The following KLHL29 variants were observed in gnomAD, a reference collection of about 807,000 sequenced individuals.
The protein encoded by KLHL29 is kelch like family member 29, also known as kelch-like protein 29.
In KLHL29, 21 loss-of-function variants were observed where a neutral mutation model predicts 80.4. That is an observed-to-expected ratio of 0.26 (90% CI 0.19 to 0.38). KLHL29 has a LOEUF of 0.38. KLHL29 is among the 10% of genes least tolerant of loss of function. KLHL29 has a pLI of 1.00. For missense variants in KLHL29, 867 were observed against 1,223.9 expected (o/e 0.71, Z 4.35); for synonymous variants, 511 against 526.8 (o/e 0.97, Z 0.41).
At chr2:23,568,150 G>T (rs1416180893) in intron 3 of KLHL29, among the ~76,000 whole-genome samples, 1 of 151,790 alleles carries the variant, frequency 6.6e-6, no homozygotes, top group Non-Finnish European at 1.5e-5. Context: ...AAAGAGGGAA[G>T]AAGATGTATT....
chr2:23,676,798 G>A lies in KLHL29; in HGVS notation c.941-7601G>A, dbSNP rs143809401. 2.3e-3 allele frequency among the ~76,000 whole-genome samples: 346 copies of A among 152,316 alleles called. 2 individuals are homozygous for A. Among genetic ancestry groups the A allele is most frequent in the African/African-American group, 8.1e-3 (337 of 41,568 alleles). The stretch of plus-strand genomic sequence containing the variant: ...GGATGCGTGGAACATGATAGAATAT[G>A]AAGCTGTGAGCACAGGTCAGGTCAG... On this transcript the variant is annotated intron_variant, in intron 5 of 13. Coordinates refer to ENST00000486442, the MANE Select transcript of KLHL29 (RefSeq NM_052920.2).
intron 1 of KLHL29, among the ~76,000 whole-genome samples, chr2:23,387,274 T>TC (rs1666209641): frequency 1.3e-5 from 2 of 152,186 alleles, no homozygotes; most frequent in African/African-American, 2.4e-5. Context: ...TTCCAGCCTC[T>TC]CTCCAGTCCA....
chr2:23,558,824 C>G (rs1227739786), intron 2 of KLHL29, among the ~76,000 whole-genome samples: 1 of 152,232 alleles, frequency 6.6e-6, no homozygotes, highest in Non-Finnish European at 1.5e-5. Context: ...TCTGGAAGTG[C>G]TCAGCAATGA....
At chr2:23,424,176 G>C (rs373607258) in intron 1 of KLHL29, among the ~76,000 whole-genome samples, 6 of 152,226 alleles carry the variant, frequency 3.9e-5, no homozygotes, top group African/African-American at 1.4e-4. Flanking sequence ...TGCTATCAAA[G>C]GTGGGAAATG....
At chr2:23,398,599 A>C (rs2723108) in intron 1 of KLHL29, among the ~76,000 whole-genome samples, 10,139 of 152,308 alleles carry the variant, frequency 0.067, 632 homozygotes, top group African/African-American at 0.17. Context: ...GGATCCCCAT[A>C]CTGTCAGCCG....
chr2:23,662,134 C>A (rs1015473047), intron 5 of KLHL29, among the ~76,000 whole-genome samples: 42 of 152,318 alleles, frequency 2.8e-4, no homozygotes, highest in African/African-American at 9.9e-4. Flanking sequence ...AGCAAGGGTG[C>A]AGAGGGGGCT....
At chr2:23,485,744 C>G (rs561570599) in intron 2 of KLHL29, among the ~76,000 whole-genome samples, 84 of 152,336 alleles carry the variant, frequency 5.5e-4, no homozygotes, top group African/African-American at 1.9e-3. Context: ...CTAACCCCAG[C>G]CCTGCCCCTT....
chr2:23,691,566 C>A, intron 6 of KLHL29, 108 bp from the exon 7 acceptor site: 1 of 881,522 alleles, frequency 1.1e-6, no homozygotes, highest in Non-Finnish European at 1.8e-6. Context: ...TCCTTTGAGC[C>A]CTAAAACCAA....
At chr2:23,702,656 G>A (rs912938220) in intron 11 of KLHL29, among the ~76,000 whole-genome samples, 10 of 152,162 alleles carry the variant, frequency 6.6e-5, no homozygotes, top group African/African-American at 2.4e-4. Flanking sequence ...GAGCTGCTGG[G>A]TGCCCCCTGC....
In KLHL29 at chr2:23,639,205, A is replaced by G. The variant is rs1347154647; in HGVS notation, c.352A>G (p.Thr118Ala). The G allele has an allele frequency of 6.5e-7, 1 of 1,547,524 alleles. No individual in the cohort carries two copies. The highest frequency in any genetic ancestry group is 1.4e-5 in the African/African-American group (1 of 72,824). The change falls in exon 4 of 14, where the codon ACG (threonine) becomes GCG (alanine). Residue 118 changes from threonine (T) to alanine (A), a missense_variant. Physicochemically the swap from Thr to Ala is moderately conservative, Grantham distance 58. Around this residue, in one of 2 missense-constraint regions of KLHL29, gnomAD observed 424 missense variants for 456.9 expected, o/e 0.93. Transcript: ENST00000486442. The stretch of plus-strand genomic sequence containing the variant: ...GGCGACCAGCATCCGGTGGGGGCAG[A>G]CGCCTATCAATCAGTCCACACCCTG... ...GLATSIRWGQ[T>A]PINQSTPWDT...
At chr2:23,490,846 T>C (rs1665077544) in intron 2 of KLHL29, among the ~76,000 whole-genome samples, 1 of 152,176 alleles carries the variant, frequency 6.6e-6, no homozygotes, top group African/African-American at 2.4e-5. Context: ...CTGGAGGGTG[T>C]AACGGGCAGC....
At chr2:23,483,213 A>G (rs1306245120) in intron 2 of KLHL29, among the ~76,000 whole-genome samples, 2 of 152,210 alleles carry the variant, frequency 1.3e-5, no homozygotes, top group African/African-American at 4.8e-5. Flanking sequence ...ATATTCAGCA[A>G]CTAGCTTAGT....
intron 2 of KLHL29, among the ~76,000 whole-genome samples, chr2:23,536,930 CCTCTCTCGCTCTCTCT>C (rs1487670166): frequency 5.0e-5 from 3 of 59,542 alleles, no homozygotes; most frequent in African/African-American, 2.5e-4. Context: ...TCTCTCTCTC[CCTCTCTCGCTCTCTCT>C]CTCTCCCTCT....
intron 1 of KLHL29, among the ~76,000 whole-genome samples, chr2:23,439,235 A>G: frequency 6.6e-6 from 1 of 151,354 alleles, no homozygotes. Context: ...TGGTCTATCA[A>G]TTTTGTTGAT....
rs564515127 is a variant in KLHL29 at position 23,464,663 on chromosome 2, G to A, written c.-153-10897G>A. ...CCACTTTCCCCTTCCCCTTTTTGAGGGCATCCAGGGGCCTCTCTGGATCCT... is the reference window on the plus strand; with the variant it reads ...CCACTTTCCCCTTCCCCTTTTTGAGAGCATCCAGGGGCCTCTCTGGATCCT... On this transcript the variant is annotated intron_variant, in intron 1 of 13. Transcript: ENST00000486442. Among the ~76,000 whole-genome samples, 6 of 152,168 alleles carry A rather than the reference G, an allele frequency of 3.9e-5. No individual in the cohort carries two copies. The South Asian group carries it at 8.3e-4, about 21-fold the overall frequency.
intron 5 of KLHL29, among the ~76,000 whole-genome samples, chr2:23,645,096 C>A (rs1572462437): frequency 6.6e-6 from 1 of 152,228 alleles, no homozygotes; most frequent in South Asian, 2.1e-4. Flanking sequence ...CCTCCAAACT[C>A]AAGCCTGGGT....
chr2:23,701,793 C>CTTTTTTTTTTTTTTTTTTT (rs70941586), intron 11 of KLHL29, among the ~76,000 whole-genome samples: 1 of 22,544 alleles, frequency 4.4e-5, no homozygotes. Context: ...CTTTTTTTTG[C>CTTTTTTTTTTTTTTTTTTT]TTTTTTTTTT....
intron 1 of KLHL29, among the ~76,000 whole-genome samples, chr2:23,391,347 C>T (rs1046336775): frequency 1.1e-4 from 16 of 152,176 alleles, no homozygotes; most frequent in East Asian, 3.8e-4. Flanking sequence ...CTGAGAATAA[C>T]GCTGCTGTGA....
At chr2:23,567,723 C>G (rs886647940) in intron 3 of KLHL29, among the ~76,000 whole-genome samples, 2 of 152,356 alleles carry the variant, frequency 1.3e-5, no homozygotes, top group Non-Finnish European at 2.9e-5. Flanking sequence ...TTGCACAGAA[C>G]TCTCATTCCT....
Sources: allele counts gnomAD v4.1 joint callset (sites outside exome capture counted in the v4.1 genomes callset), GRCh38; gene constraint gnomAD v4.1.1; regional missense constraint gnomAD v4.1.1; transcripts MANE v1.5; gene names NCBI Gene and HGNC (gene_info 2026-07-23, HGNC 2026-07-21).